The following MAPK10 variants were observed in gnomAD, a reference collection of about 807,000 sequenced individuals.
MAPK10 encodes JNK3 alpha protein kinase.
MAPK10 carries 25 observed loss-of-function variants against 59.3 expected under a neutral mutation model. The ratio of observed to expected loss-of-function variants is 0.42; its 90% CI spans 0.31 to 0.59. The LOEUF (loss-of-function observed/expected upper bound fraction) is 0.59. Ranked by LOEUF, MAPK10 falls within the 20% of genes least tolerant of loss-of-function variation. The probability of loss-of-function intolerance (pLI) is 0.15; values close to 1 mark genes in which losing one functional copy is unlikely to be tolerated. For missense variants in MAPK10, 351 were observed against 568.9 expected, an observed-to-expected ratio of 0.62 and a Z score of 3.90; for synonymous variants, 190 against 200.5, an observed-to-expected ratio of 0.95 and a Z score of 0.44.
At chr4:86,593,824 C>T (rs1230909389) in intron 1 of MAPK10, 1 of 152,220 alleles carries the variant, frequency 6.6e-6, no homozygotes, top group Non-Finnish European at 1.5e-5. Flanking sequence ...CCATTCTCCT[C>T]TTCCTTTCAA....
At chr4:86,305,959 G>T (rs2095560179) in intron 2 of MAPK10, among the ~76,000 whole-genome samples, 1 of 152,006 alleles carries the variant, frequency 6.6e-6, no homozygotes, top group Non-Finnish European at 1.5e-5. Context: ...AATACAACTG[G>T]CAAATAAAGA....
intron 2 of MAPK10, among the ~76,000 whole-genome samples, chr4:86,210,652 T>TA (rs2085509203): frequency 6.6e-6 from 1 of 151,292 alleles, no homozygotes; most frequent in South Asian, 2.1e-4. Context: ...ATTAAAAACT[T>TA]TAAAAGGAAT....
chr4:86,462,319 C>CGTTCCCT (rs1421737919), intron 1 of MAPK10, among the ~76,000 whole-genome samples: 1 of 152,126 alleles, frequency 6.6e-6, no homozygotes, highest in Non-Finnish European at 1.5e-5. Flanking sequence ...TATCTACTTC[C>CGTTCCCT]GTTCCCTGGA....
chr4:86,546,423 G>A (rs1363398801), intron 1 of MAPK10, among the ~76,000 whole-genome samples: 1 of 151,888 alleles, frequency 6.6e-6, no homozygotes, highest in East Asian at 1.9e-4. Flanking sequence ...CGGACATGGT[G>A]GCGTGAGCCT....
At chr4:86,503,981 C>T (rs1416754683) in intron 1 of MAPK10, among the ~76,000 whole-genome samples, 1 of 152,068 alleles carries the variant, frequency 6.6e-6, no homozygotes, top group Non-Finnish European at 1.5e-5. Flanking sequence ...ACCTACAGGG[C>T]CCTCCCTAAT....
At chr4:86,021,605 C>G (rs1054046124) in intron 13 of MAPK10, among the ~76,000 whole-genome samples, 4 of 152,244 alleles carry the variant, frequency 2.6e-5, no homozygotes, top group African/African-American at 9.6e-5. Context: ...GCTGTGCGCT[C>G]GCATTCCTCA....
chr4:86,176,384 G>A (rs1471940426), intron 3 of MAPK10, among the ~76,000 whole-genome samples: 1 of 152,064 alleles, frequency 6.6e-6, no homozygotes, highest in East Asian at 1.9e-4. Flanking sequence ...ACTAATAACT[G>A]CATTTAATCT....
intron 2 of MAPK10, among the ~76,000 whole-genome samples, chr4:86,272,021 A>G (rs1403878850): frequency 6.6e-6 from 1 of 151,794 alleles, no homozygotes; most frequent in Non-Finnish European, 1.5e-5. Flanking sequence ...TCCAGTGTCT[A>G]TTGTGGCCAT....
At chr4:86,248,268 G>T (rs114802360) in intron 2 of MAPK10, among the ~76,000 whole-genome samples, 1 of 152,128 alleles carries the variant, frequency 6.6e-6, no homozygotes, top group African/African-American at 2.4e-5. Flanking sequence ...GAGATTATTT[G>T]AAAATTGCTG....
intron 9 of MAPK10, among the ~76,000 whole-genome samples, chr4:86,074,368 T>G (rs960127765): frequency 2.0e-5 from 3 of 150,846 alleles, no homozygotes; most frequent in Non-Finnish European, 4.4e-5. Flanking sequence ...CTGTGTCTTT[T>G]AATTGGAGCA....
Position 86,013,680 on chromosome 4 carries a change from T to C in MAPK10, c.*3548A>G, listed in dbSNP as rs1267036171. On this transcript the variant is annotated 3_prime_UTR_variant, in exon 14 of 14. Transcript: ENST00000641462. ...ACTAGTTCCATTTACTAAGGCCAAC[T>C]TTCAGTTTTACCAGTCAGCTGCTAT... The C allele has an allele frequency of 6.6e-6, 1 of 152,212 alleles. No homozygotes were observed. The highest frequency in any genetic ancestry group is 1.5e-5 in the Non-Finnish European group (1 of 68,020). The allele number at this position is 152,212 out of a possible 1,614,324, so 9.4% of individuals were successfully genotyped here.
intron 2 of MAPK10, among the ~76,000 whole-genome samples, chr4:86,286,559 C>T (rs2095020135): frequency 6.6e-6 from 1 of 152,090 alleles, no homozygotes; most frequent in Admixed American, 6.6e-5. Flanking sequence ...CCTCATTTTA[C>T]AGATGAGGAA....
intron 1 of MAPK10, among the ~76,000 whole-genome samples, chr4:86,422,960 T>C (rs1205010895): frequency 6.6e-6 from 1 of 152,218 alleles, no homozygotes; most frequent in Non-Finnish European, 1.5e-5. Flanking sequence ...GACTTTATGA[T>C]GGTTGAAAGG....
chr4:86,387,817 G>T (rs1171775574), intron 1 of MAPK10, among the ~76,000 whole-genome samples: 1 of 151,812 alleles, frequency 6.6e-6, no homozygotes, highest in Non-Finnish European at 1.5e-5. Flanking sequence ...CCTATCAGTT[G>T]TTTATGTTTT....
intron 2 of MAPK10, among the ~76,000 whole-genome samples, chr4:86,320,227 T>C (rs2095862931): frequency 6.6e-6 from 1 of 152,216 alleles, no homozygotes; most frequent in East Asian, 1.9e-4. Flanking sequence ...GTTAACATGG[T>C]CTTTAATTTG....
chr4:86,200,203 T>C (rs984131392), intron 2 of MAPK10, among the ~76,000 whole-genome samples: 17 of 152,154 alleles, frequency 1.1e-4, no homozygotes, highest in African/African-American at 4.1e-4. Flanking sequence ...AAGTCTAATT[T>C]ACACAGCAAA....
intron 1 of MAPK10, among the ~76,000 whole-genome samples, chr4:86,441,997 T>C (rs1055764579): frequency 6.6e-6 from 1 of 152,130 alleles, no homozygotes; most frequent in Non-Finnish European, 1.5e-5. Context: ...TTAGCAAAAA[T>C]TCGTACATTC....
chr4:86,397,615 G>A (rs1743112638), intron 1 of MAPK10, among the ~76,000 whole-genome samples: 6 of 152,030 alleles, frequency 3.9e-5, no homozygotes, highest in African/African-American at 9.7e-5. Context: ...TTCCGGGTGT[G>A]AGATCCCTTC....
In MAPK10 at chr4:86,069,453, CA is replaced by C. The variant is rs2047365513; in HGVS notation, c.803-1499del. Among the ~76,000 whole-genome samples, 3 of 152,058 alleles carry C rather than the reference CA, an allele frequency of 2.0e-5. No homozygotes were observed. The South Asian group carries it at 6.2e-4, about 32-fold the overall frequency. ...TAGAAGCTCATCTAATTATCATGTG[CA>C]TGAGAAAATACAGCAGTAATTCAGA... On this transcript the variant is annotated intron_variant, in intron 9 of 13. Transcript: ENST00000641462.
Sources: allele counts gnomAD v4.1 joint callset (sites outside exome capture counted in the v4.1 genomes callset), GRCh38; gene constraint gnomAD v4.1.1; transcripts MANE v1.5; gene names NCBI Gene and HGNC (gene_info 2026-07-23, HGNC 2026-07-21).